Variants in ZZEF1 observed in about 807,000 individuals in gnomAD.
The protein encoded by ZZEF1 is zinc finger ZZ-type and EF-hand domain containing 1.
A neutral mutation model predicts 342.8 loss-of-function variants in ZZEF1; 157 were observed. That is an observed-to-expected ratio of 0.46 (90% CI 0.40 to 0.52). The LOEUF (loss-of-function observed/expected upper bound fraction) is 0.52. Among genes scored for constraint, ZZEF1 ranks in the 20% least tolerant of loss-of-function variants. The pLI, the probability that ZZEF1 is intolerant of heterozygous loss-of-function variation, is 0.00. For synonymous variants in ZZEF1, 1,505 were observed against 1,429.1 expected, an observed-to-expected ratio of 1.05 and a Z score of -1.20; for missense variants, 3,480 against 3,725.6, an observed-to-expected ratio of 0.93 and a Z score of 1.72.
intron 11 of ZZEF1, among the ~76,000 whole-genome samples, chr17:4,092,787 G>A (rs1332123093): frequency 2.0e-5 from 3 of 151,988 alleles, no homozygotes; most frequent in Non-Finnish European, 4.4e-5. Context: ...TCGAGATACA[G>A]AAAGCTGGCA....
intron 2 of ZZEF1, among the ~76,000 whole-genome samples, chr17:4,119,891 G>A (rs1361252043): frequency 3.9e-5 from 6 of 152,094 alleles, no homozygotes; most frequent in South Asian, 2.1e-4. Context: ...GAGGTGAATC[G>A]GGAATATCAA....
chr17:4,007,037 G>C, intron 54 of ZZEF1, 67 bp from the exon 55 acceptor site: 4 of 1,409,714 alleles, frequency 2.8e-6, no homozygotes, highest in Admixed American at 2.2e-5. Context: ...GTGCTGATAA[G>C]ACCCTCAGCT....
Position 4,072,578 on chromosome 17 carries a change from T to C in ZZEF1, c.3834+30A>G, listed in dbSNP as rs2057530340. The C allele has an allele frequency of 1.9e-6, 3 of 1,582,646 alleles. No homozygotes were observed. In the South Asian group the frequency reaches 3.4e-5, roughly 18 times the overall value. ...AAATACTTGCAGGCAGTTTCCAGTC[T>C]AAATAGAAAGAAAACGGAAGAGTAA... On this transcript the variant is annotated intron_variant, in intron 25 of 54. Transcript: ENST00000381638.
At chr17:4,024,200 T>C (rs8073410) in intron 43 of ZZEF1, among the ~76,000 whole-genome samples, 7,973 of 140,676 alleles carry the variant, frequency 0.057, 383 homozygotes, top group South Asian at 0.13. Context: ...TTTTTTTTTT[T>C]TTTTTTTTTT....
chr17:4,092,301 T>C (rs1005918482), intron 11 of ZZEF1, among the ~76,000 whole-genome samples: 140 of 143,570 alleles, frequency 9.8e-4, no homozygotes, highest in African/African-American at 3.3e-3. Flanking sequence ...ACATGTCCCT[T>C]TTTTTTTTTT....
chr17:4,117,072 C>A lies in ZZEF1; in HGVS notation c.594G>T (p.Ala198=). ...GCTCCAGCATCGGGTAGGGCATCAC[C>A]GCGCTGGAGAGCCGATTGCGGTGCA... ...RFLHRNRLSS[A]VMPYPMLEHC... is the part of the protein sequence containing the mutation. The change falls in exon 3 of 55, where the codon GCG becomes GCT. Residue 198 remains alanine, a synonymous_variant. Transcript: ENST00000381638. 1 of 1,614,144 alleles carries A rather than the reference C, an allele frequency of 6.2e-7. No individual in the cohort carries two copies. Among genetic ancestry groups the A allele is most frequent in the Non-Finnish European group, 8.5e-7 (1 of 1,180,022 alleles).
In ZZEF1 at chr17:4,085,738, G is replaced by A; in HGVS notation, c.2578C>T (p.Leu860Phe). ...AAGAAGATGGCAGCCCCATTGAGAAGGGTATTCCTGACTTCTTGTTTTAGT... is the reference window on the plus strand; with the variant it reads ...AAGAAGATGGCAGCCCCATTGAGAAAGGTATTCCTGACTTCTTGTTTTAGT... The part of the protein sequence containing the change: ...EILKQEVRNT[L>F]LNGAAIFFPN... Residue 860 changes from leucine (L) to phenylalanine (F), a missense_variant, in exon 16 of 55, where the codon CTT becomes TTT. Leu to Phe is a conservative substitution (Grantham distance 22). Coordinates refer to ENST00000381638, the MANE Select transcript of ZZEF1 (RefSeq NM_015113.4). 1 of 1,614,150 alleles carries A rather than the reference G, an allele frequency of 6.2e-7. No homozygotes were observed. Among genetic ancestry groups the A allele is most frequent in the South Asian group, 1.1e-5 (1 of 91,082 alleles).
Position 4,014,626 on chromosome 17 carries a change from A to C in ZZEF1, c.8146-111T>G. ...GACCCGGGTGTGTGAGAATGAGTGA[A>C]CCACAGCCCTGGCCTCCAGGAGTGC... On this transcript the variant is annotated intron_variant, in intron 49 of 54. Coordinates refer to ENST00000381638, the MANE Select transcript of ZZEF1 (RefSeq NM_015113.4). The surrounding 1 kb of genome is among the most constrained non-coding windows in gnomAD (Gnocchi z 4.4). 1 of 1,135,408 alleles carries C rather than the reference A, an allele frequency of 8.8e-7. No homozygotes were observed. Among genetic ancestry groups the C allele is most frequent in the Non-Finnish European group, 1.3e-6 (1 of 769,796 alleles). 70.3% of individuals were successfully genotyped at this position (1,135,408 alleles called of 1,614,324 possible).
chr17:4,088,341 T>C (rs2057878964), intron 13 of ZZEF1, among the ~76,000 whole-genome samples: 1 of 152,344 alleles, frequency 6.6e-6, no homozygotes, highest in Non-Finnish European at 1.5e-5. Flanking sequence ...ATAATTCTTC[T>C]AGGACTTAAA....
chr17:4,024,041 T>TCATG (rs2056338439), intron 43 of ZZEF1, among the ~76,000 whole-genome samples: 1 of 152,102 alleles, frequency 6.6e-6, no homozygotes, highest in Non-Finnish European at 1.5e-5. Context: ...GCTCCTCCTT[T>TCATG]CATGGATATC....
chr17:4,053,678 C>G (rs562086305), intron 34 of ZZEF1, among the ~76,000 whole-genome samples: 35 of 152,308 alleles, frequency 2.3e-4, no homozygotes, highest in Admixed American at 7.8e-4. Flanking sequence ...TACCTCAGCA[C>G]CTAGAAGTCA....
chr17:4,142,761 T>C lies in ZZEF1; in HGVS notation c.135A>G (p.Pro45=). Residue 45 remains proline (P), a synonymous_variant, in exon 1 of 55, where the codon CCA becomes CCG. Transcript: ENST00000381638. Reference sequence around the variant, plus strand: ...CCGGCTCCAGCAGCGCCGCGGCGGGTGGTAGCGCTGGAGCCGCGACGCCCG... The same window carrying C: ...CCGGCTCCAGCAGCGCCGCGGCGGGCGGTAGCGCTGGAGCCGCGACGCCCG... The part of the protein sequence containing the change: ...PGPGVAAPAL[P]PAAALLEPAR... 3 of 1,460,710 alleles carry C rather than the reference T, an allele frequency of 2.1e-6. No individual in the cohort carries two copies. Among genetic ancestry groups the C allele is most frequent in the Non-Finnish European group, 2.7e-6 (3 of 1,114,552 alleles). 90.5% of individuals were successfully genotyped at this position (1,460,710 alleles called of 1,614,324 possible).
chr17:4,087,025 G>C (rs1241233645), intron 14 of ZZEF1, among the ~76,000 whole-genome samples: 2 of 152,062 alleles, frequency 1.3e-5, no homozygotes, highest in African/African-American at 4.8e-5. Flanking sequence ...GAGATTACAG[G>C]TGCCCACCAC....
chr17:4,034,205 T>C lies in ZZEF1; in HGVS notation c.6394A>G (p.Thr2132Ala), dbSNP rs1170914753. 1.9e-6 allele frequency: 3 copies of C among 1,613,952 alleles called. No homozygotes were observed. The African/African-American group carries it at 4.0e-5, about 22-fold the overall frequency. ...AGAAGACCCAGGGTGAGATGGTAGG[T>C]TTCATTCAGGTGGCCTGCGTTTGAG... ...VISNAGHLNE[T>A]YHLTLGLLGQ... The change falls in exon 40 of 55, where the codon ACC becomes GCC. Residue 2132 changes from threonine (T) to alanine (A), a missense_variant. Physicochemically the swap from Thr to Ala is moderately conservative, Grantham distance 58. This residue lies in a region of ZZEF1 where 1,269 missense variants were observed against 1,342.4 expected (regional missense o/e 0.95). Coordinates refer to ENST00000381638, the MANE Select transcript of ZZEF1 (RefSeq NM_015113.4).
chr17:4,109,121 G>C (rs939290389), intron 6 of ZZEF1, among the ~76,000 whole-genome samples: 1 of 152,116 alleles, frequency 6.6e-6, no homozygotes, highest in African/African-American at 2.4e-5. Context: ...ACCCTGAAAA[G>C]ATTTCACTCA....
intron 16 of ZZEF1, 30 bp from the exon 17 acceptor site, chr17:4,082,534 G>C: frequency 6.2e-7 from 1 of 1,607,890 alleles, no homozygotes; most frequent in Non-Finnish European, 8.5e-7. Flanking sequence ...TGTATATTCA[G>C]AAAATCTAGT....
At chr17:4,047,802 G>A (rs1251301548) in intron 37 of ZZEF1, among the ~76,000 whole-genome samples, 11 of 148,844 alleles carry the variant, frequency 7.4e-5, no homozygotes, top group Non-Finnish European at 1.3e-4. Context: ...TTAGCTGGGC[G>A]TGGTGGTGGG....
Position 4,142,547 on chromosome 17 carries a change from C to G in ZZEF1, c.349G>C (p.Glu117Gln). ...AGTCGCCTGCCGGCCCTGACCTCCT[C>G]GAACTGCTCGCTAGAGCAGCCGGCG... ...RGAGCSSEQF[E>Q]EAFAQFDAEG... Residue 117 changes from glutamate to glutamine, a missense_variant, in exon 1 of 55, where the codon GAG becomes CAG. This residue lies in a region of ZZEF1 where 416 missense variants were observed against 374.2 expected (regional missense o/e 1.11). Transcript: ENST00000381638. 2 of 1,597,588 alleles carry G rather than the reference C, an allele frequency of 1.3e-6. No individual in the cohort carries two copies. The highest frequency in any genetic ancestry group is 2.3e-5 in the East Asian group (1 of 44,404).
chr17:4,059,796 C>T (rs780661131), intron 30 of ZZEF1, among the ~76,000 whole-genome samples: 6 of 152,198 alleles, frequency 3.9e-5, no homozygotes, highest in Non-Finnish European at 5.9e-5. Flanking sequence ...TTCTCTTCCA[C>T]GCCCTTAGCC....
Sources: allele counts gnomAD v4.1 joint callset (sites outside exome capture counted in the v4.1 genomes callset), GRCh38; gene constraint gnomAD v4.1.1; regional missense constraint gnomAD v4.1.1; non-coding constraint Gnocchi (gnomAD v3.1); transcripts MANE v1.5; gene names NCBI Gene and HGNC (gene_info 2026-07-23, HGNC 2026-07-21).